Variants in SLC35F6 observed in about 807,000 individuals in gnomAD.
SLC35F6 encodes ANT2-binding protein.
In SLC35F6, 26 loss-of-function variants were observed where a neutral mutation model predicts 29.4. The ratio of observed to expected loss-of-function variants is 0.89; its 90% CI spans 0.65 to 1.23. The LOEUF is 1.23. Ranked by LOEUF, SLC35F6 falls within the 50% of genes most tolerant of loss-of-function variation. The pLI, the probability that SLC35F6 is intolerant of heterozygous loss-of-function variation, is 0.00. For synonymous variants in SLC35F6, 174 were observed against 206.6 expected (o/e 0.84, Z 1.35); for missense variants, 428 against 487.8 (o/e 0.88, Z 1.15).
At chr2:26,777,972 G>A (rs773470057) in intron 5 of SLC35F6, 70 bp from the exon 6 acceptor site, 2 of 1,456,680 alleles carry the variant, frequency 1.4e-6, no homozygotes, top group Non-Finnish European at 1.9e-6. Context: ...ATCAGAGGAG[G>A]CTAAGCCGGT....
chr2:26,764,438 C>A lies in SLC35F6; in HGVS notation c.77+12C>A. On this transcript the variant is annotated intron_variant, in intron 1 of 5. Transcript: ENST00000344420. ...ACGCTCTCGGCAAAGTGAGTCTGGGCCCTGCCGGGCGTGCGGGCCCTGGCG... is the reference window on the plus strand; with the variant it reads ...ACGCTCTCGGCAAAGTGAGTCTGGGACCTGCCGGGCGTGCGGGCCCTGGCG... The A allele has an allele frequency of 6.4e-7, 1 of 1,550,836 alleles. No individual in the cohort carries two copies. Among genetic ancestry groups the A allele is most frequent in the South Asian group, 1.2e-5 (1 of 84,062 alleles).
At chr2:26,771,965 C>T (rs1418383927) in intron 1 of SLC35F6, among the ~76,000 whole-genome samples, 2 of 151,952 alleles carry the variant, frequency 1.3e-5, no homozygotes, top group Admixed American at 6.5e-5. Context: ...ATGCCAGGCT[C>T]CAGGTTTCTC....
Position 26,778,343 on chromosome 2 carries a change from T to G in SLC35F6, c.948T>G (p.His316Gln). The G allele has an allele frequency of 6.2e-7, 1 of 1,614,172 alleles. No individual in the cohort carries two copies. The highest frequency in any genetic ancestry group is 8.5e-7 in the Non-Finnish European group (1 of 1,180,022). ...LSLALGWEAF[H>Q]ALQILGFLIL... Reference sequence around the variant, plus strand: ...TGGCACTGGGCTGGGAGGCCTTCCATGCACTGCAGATCCTTGGCTTCCTCA... The same window carrying G: ...TGGCACTGGGCTGGGAGGCCTTCCAGGCACTGCAGATCCTTGGCTTCCTCA... Residue 316 changes from histidine (H) to glutamine (Q), a missense_variant, in exon 6 of 6, where the codon CAT becomes CAG. Transcript: ENST00000344420.
rs971783241 is a variant in SLC35F6 at position 26,764,294 on chromosome 2, C to A, written c.-56C>A. 8 of 1,541,262 alleles carry A rather than the reference C, an allele frequency of 5.2e-6. No individual in the cohort carries two copies. The highest frequency in any genetic ancestry group is 1.9e-4 in the Middle Eastern group (1 of 5,314). ...GGCCCGGAAGCGCTCGCGCAGGAGA[C>A]CCCGGGTGACGGGGCCCGGCGCCGC... On this transcript the variant is annotated 5_prime_UTR_variant, in exon 1 of 6. Transcript: ENST00000344420.
rs1055523123 is a variant in SLC35F6, at chr2:26,769,724, G to A, written c.78-4527G>A. Among the ~76,000 whole-genome samples, 6 of 152,304 alleles carry A rather than the reference G, an allele frequency of 3.9e-5. No individual in the cohort carries two copies. The South Asian group carries it at 1.0e-3, about 26-fold the overall frequency. On this transcript the variant is annotated intron_variant, in intron 1 of 5. Coordinates refer to ENST00000344420, the MANE Select transcript of SLC35F6 (RefSeq NM_017877.4). ...TCAGCCAGCAGGACAGGTTCCAGAC[G>A]TTTTTCCAGTAGCTTTCAGGCTGAA...
intron 1 of SLC35F6, chr2:26,764,859 C>T (rs964323644): frequency 7.1e-6 from 7 of 985,324 alleles, no homozygotes; most frequent in Non-Finnish European, 8.4e-6. Flanking sequence ...GGAGGTGCCC[C>T]ACGGCCCCTC....
Position 26,768,364 on chromosome 2 carries a change from C to CT in SLC35F6, c.77+3954dup, listed in dbSNP as rs60323100. Among the ~76,000 whole-genome samples, 426 of 137,132 alleles carry CT rather than the reference C, an allele frequency of 3.1e-3. 2 individuals are homozygous for CT. The highest frequency in any genetic ancestry group is 0.02 in the South Asian group (85 of 4,344). The allele number at this position is 137,132 out of a possible 152,430, so 90.0% of individuals were successfully genotyped here. ...CTGAAGATCTACTGAGGAAGGTTTCCTTTTTTTTTTTTTTTTGAGACGGAG... is the reference window on the plus strand; with the variant it reads ...CTGAAGATCTACTGAGGAAGGTTTCCTTTTTTTTTTTTTTTTTGAGACGGAG... On this transcript the variant is annotated intron_variant, in intron 1 of 5. Transcript: ENST00000344420.
At position 26,775,645 on chromosome 2, in the gene SLC35F6, C is replaced by A. The variant is rs776949853; in HGVS notation, c.504C>A (p.Asp168Glu). 1.3e-6 allele frequency: 2 copies of A among 1,596,798 alleles called. No individual in the cohort carries two copies. The highest frequency in any genetic ancestry group is 3.4e-5 in the Admixed American group (2 of 58,150). Residue 168 changes from aspartate to glutamate, a missense_variant, in exon 4 of 6, where the codon GAC becomes GAA. Physicochemically the swap from Asp to Glu is conservative, Grantham distance 45. Transcript: ENST00000344420. The surrounding 1 kb of genome is among the most constrained non-coding windows in gnomAD (Gnocchi z 4.6). ...TGGCTGACCTCCTGAGCAAGCACGA[C>A]AGTCAGCACAAGCTCAGCGAAGTGA... ...VGLADLLSKH[D>E]SQHKLSEVIT...
chr2:26,781,004 A>T lies in SLC35F6; in HGVS notation c.*2493A>T, dbSNP rs1432016554. On this transcript the variant is annotated 3_prime_UTR_variant, in exon 6 of 6. Transcript: ENST00000344420. ...TGAATCCCAGGGTCCCCTCAGCTTC[A>T]CTGGGCCACAGTGTCTGTCCCAGGA... 6.6e-6 allele frequency: 1 copy of T among 152,064 alleles called. No homozygotes were observed. The highest frequency in any genetic ancestry group is 1.5e-5 in the Non-Finnish European group (1 of 68,038). 9.4% of individuals were successfully genotyped at this position (152,064 alleles called of 1,614,324 possible).
chr2:26,778,457 C>T lies in SLC35F6; in HGVS notation c.1062C>T (p.Ser354=), dbSNP rs559243793. The T allele has an allele frequency of 5.3e-5, 86 of 1,613,612 alleles. No homozygotes were observed. The highest frequency in any genetic ancestry group is 2.4e-4 in the South Asian group (22 of 91,066). The change falls in exon 6 of 6, where the codon AGC becomes AGT. Residue 354 remains serine (S), a synonymous_variant. Transcript: ENST00000344420. ...GGGGCCGGCCCCTGGCAGAGGAGAG[C>T]GAGCAGGAGAGACTGCTGGGTGGCA... is the stretch of plus-strand genomic sequence containing the variant. The part of the protein sequence containing the change: ...LSRGRPLAEE[S]EQERLLGGTR...
chr2:26,778,613 C>T lies in SLC35F6; in HGVS notation c.*102C>T, dbSNP rs934585900. 1.5e-5 allele frequency: 17 copies of T among 1,137,006 alleles called. No individual in the cohort carries two copies. Among genetic ancestry groups the T allele is most frequent in the Non-Finnish European group, 1.9e-5 (16 of 826,124 alleles). 70.4% of individuals were successfully genotyped at this position (1,137,006 alleles called of 1,614,324 possible). A position where few individuals can be genotyped will look rare whatever the true frequency, so the allele number is the denominator to read the frequency against. ...GAATGCCCTATCCCCAAGGCCTCAC[C>T]CTGTCCCCTCCCTGCAGAACCCCCA... On this transcript the variant is annotated 3_prime_UTR_variant, in exon 6 of 6. Coordinates refer to ENST00000344420, the MANE Select transcript of SLC35F6 (RefSeq NM_017877.4).
In SLC35F6 at chr2:26,779,524, G is replaced by T. The variant is rs187534161; in HGVS notation, c.*1013G>T. On this transcript the variant is annotated 3_prime_UTR_variant, in exon 6 of 6. Transcript: ENST00000344420. Reference sequence around the variant, plus strand: ...ACCACCCTTCTGTGCTGTTTTTTTTGTTGTTTGTTTGTTTCTTCTTTTTGA... The same window carrying T: ...ACCACCCTTCTGTGCTGTTTTTTTTTTTGTTTGTTTGTTTCTTCTTTTTGA... The T allele has an allele frequency of 5.7e-3, 873 of 152,236 alleles. 1 individual carries two copies. Among genetic ancestry groups the T allele is most frequent in the Middle Eastern group, 0.027 (8 of 298 alleles). 9.4% of individuals were successfully genotyped at this position (152,236 alleles called of 1,614,324 possible). A position where few individuals can be genotyped will look rare whatever the true frequency, so the allele number is the denominator to read the frequency against.
intron 1 of SLC35F6, chr2:26,765,062 T>C: frequency 2.1e-6 from 2 of 956,944 alleles, no homozygotes; most frequent in East Asian, 1.1e-4. Flanking sequence ...TTGAAAGTGA[T>C]ATGATTGACT....
At position 26,764,297 on chromosome 2, in the gene SLC35F6, C is replaced by G. The variant is rs1664053249; in HGVS notation, c.-53C>G. 6.5e-7 allele frequency: 1 copy of G among 1,543,098 alleles called. No homozygotes were observed. The highest frequency in any genetic ancestry group is 8.7e-7 in the Non-Finnish European group (1 of 1,142,860). On this transcript the variant is annotated 5_prime_UTR_variant, in exon 1 of 6. Coordinates refer to ENST00000344420, the MANE Select transcript of SLC35F6 (RefSeq NM_017877.4). ...CCGGAAGCGCTCGCGCAGGAGACCC[C>G]GGGTGACGGGGCCCGGCGCCGCTAA...
chr2:26,768,217 G>C (rs967723216), intron 1 of SLC35F6, among the ~76,000 whole-genome samples: 1 of 152,226 alleles, frequency 6.6e-6, no homozygotes, highest in African/African-American at 2.4e-5. Flanking sequence ...CAGTGTAGTA[G>C]AGTGGGAAGT....
At chr2:26,764,505 C>A in intron 1 of SLC35F6, 79 bp downstream of exon 1, 1 of 1,505,310 alleles carries the variant, frequency 6.6e-7, no homozygotes, top group South Asian at 1.2e-5. Context: ...CTTGGCCCTG[C>A]CCTCCTGGCT....
chr2:26,764,461 G>A (rs1358012542), intron 1 of SLC35F6, 35 bp downstream of exon 1: 2 of 1,549,466 alleles, frequency 1.3e-6, no homozygotes, highest in Non-Finnish European at 8.7e-7. Flanking sequence ...GCGGGCCCTG[G>A]CGACCCCGGC....
At position 26,775,795 on chromosome 2, in the gene SLC35F6, T is replaced by TA. The variant is rs966770569; in HGVS notation, c.535+120dup. On this transcript the variant is annotated intron_variant, in intron 4 of 5. Transcript: ENST00000344420. This position sits in a 1 kb window ranked among gnomAD's most constrained non-coding sequence, Gnocchi z 4.6. ...TATACCAAGCCCTGGGTGAGGTGGG[T>TA]AGCTCTGGAGGTGATGGATAGAATG... 5 of 1,168,784 alleles carry TA rather than the reference T, an allele frequency of 4.3e-6. No individual in the cohort carries two copies. The highest frequency in any genetic ancestry group is 2.9e-4 in the Middle Eastern group (1 of 3,440). 72.4% of individuals were successfully genotyped at this position (1,168,784 alleles called of 1,614,324 possible). A position where few individuals can be genotyped will look rare whatever the true frequency, so the allele number is the denominator to read the frequency against.
chr2:26,776,439 C>T lies in SLC35F6; in HGVS notation c.603C>T (p.Val201=), dbSNP rs780262515. The T allele has an allele frequency of 6.2e-7, 1 of 1,614,186 alleles. No individual in the cohort carries two copies. The highest frequency in any genetic ancestry group is 8.5e-7 in the Non-Finnish European group (1 of 1,180,042). ...AIQMVLEEKF[V]YKHNVHPLRA... ...AGATGGTGCTAGAGGAGAAGTTCGT[C>T]TACAAACACAATGTGCACCCACTGC... is the stretch of plus-strand genomic sequence containing the variant. The change falls in exon 5 of 6, where the codon GTC becomes GTT. Residue 201 remains valine, a synonymous_variant. Transcript: ENST00000344420.
Sources: gnomAD v4.1 joint callset for allele counts (sites outside exome capture counted in the v4.1 genomes callset) on GRCh38, gnomAD v4.1.1 for gene constraint, Gnocchi (gnomAD v3.1) non-coding constraint, MANE v1.5 for transcripts, NCBI Gene and HGNC (gene_info 2026-07-23, HGNC 2026-07-21) for gene names.